TANGO6: variants seen among roughly 807,000 people sequenced by gnomAD.
TANGO6 encodes transport and Golgi organization protein 6 homolog.
Under a neutral mutation model 114.2 loss-of-function variants are expected in TANGO6, and 90 were observed. That is an observed-to-expected ratio of 0.79 (90% CI 0.66 to 0.94). The LOEUF is 0.94. Ranked by LOEUF, TANGO6 falls within the 40% of genes least tolerant of loss-of-function variation. The pLI is 0.00. For synonymous variants in TANGO6, 477 were observed against 509.8 expected (o/e 0.94, Z 0.87); for missense variants, 1,274 against 1,315.3 (o/e 0.97, Z 0.49).
intron 16 of TANGO6, among the ~76,000 whole-genome samples, chr16:69,031,060 A>C (rs937017450): frequency 5.3e-5 from 8 of 152,062 alleles, no homozygotes; most frequent in Admixed American, 2.6e-4. Flanking sequence ...ATCTCAAAAA[A>C]TAAAATTAAA....
intron 11 of TANGO6, among the ~76,000 whole-genome samples, chr16:68,916,845 C>T (rs1963012886): frequency 6.6e-6 from 1 of 152,158 alleles, no homozygotes; most frequent in Admixed American, 6.6e-5. Flanking sequence ...AACATAGCCT[C>T]CTCCATTGTC....
At chr16:68,877,116 C>G (rs944208195) in intron 5 of TANGO6, among the ~76,000 whole-genome samples, 4 of 152,102 alleles carry the variant, frequency 2.6e-5, no homozygotes, top group Non-Finnish European at 5.9e-5. Flanking sequence ...TACCTATTTT[C>G]CCACATTTTT....
intron 17 of TANGO6, among the ~76,000 whole-genome samples, chr16:69,063,218 G>A (rs927603041): frequency 9.9e-6 from 1 of 100,898 alleles, no homozygotes. Flanking sequence ...GCCAGACTTC[G>A]TCTGAAAAAA....
At chr16:68,852,153 A>G (rs1961911911) in intron 1 of TANGO6, among the ~76,000 whole-genome samples, 1 of 152,226 alleles carries the variant, frequency 6.6e-6, no homozygotes, top group African/African-American at 2.4e-5. Flanking sequence ...CAAAGAGAAT[A>G]CAGCAGTGAA....
At chr16:68,915,967 CAT>C (rs1491113162) in intron 11 of TANGO6, among the ~76,000 whole-genome samples, 1 of 152,016 alleles carries the variant, frequency 6.6e-6, no homozygotes, top group African/African-American at 2.4e-5. Context: ...CCTAAGTATG[CAT>C]GTGTGTGTGC....
intron 14 of TANGO6, among the ~76,000 whole-genome samples, chr16:68,970,041 C>T (rs1026934339): frequency 2.0e-5 from 3 of 151,988 alleles, no homozygotes; most frequent in Admixed American, 2.0e-4. Flanking sequence ...GTTTCAGGAT[C>T]GAATCTCATT....
chr16:68,982,359 A>G (rs1963844528), intron 15 of TANGO6, among the ~76,000 whole-genome samples: 1 of 151,882 alleles, frequency 6.6e-6, no homozygotes, highest in Admixed American at 6.6e-5. Flanking sequence ...TTTTTTAGAC[A>G]GAGTCTCACT....
intron 14 of TANGO6, among the ~76,000 whole-genome samples, chr16:68,947,710 G>C (rs2152204211): frequency 6.7e-6 from 1 of 150,120 alleles, no homozygotes; most frequent in Admixed American, 6.7e-5. Context: ...TTCTGCCTCA[G>C]CCTCCCAAGT....
chr16:69,055,938 C>A (rs953273454), intron 17 of TANGO6, among the ~76,000 whole-genome samples: 9 of 151,926 alleles, frequency 5.9e-5, no homozygotes, highest in Non-Finnish European at 8.8e-5. Context: ...ACTTGGGAGG[C>A]TGAGGCAGGA....
chr16:68,998,234 TACCCA>T (rs887496280), intron 15 of TANGO6, among the ~76,000 whole-genome samples: 56 of 152,216 alleles, frequency 3.7e-4, no homozygotes, highest in Admixed American at 3.0e-3. Context: ...ATTTTCACAT[TACCCA>T]TCCCTATTGT....
At chr16:68,913,384 A>G (rs949189233) in intron 11 of TANGO6, among the ~76,000 whole-genome samples, 5 of 150,170 alleles carry the variant, frequency 3.3e-5, no homozygotes, top group African/African-American at 1.2e-4. Flanking sequence ...GCACACTACT[A>G]TACCTCAATA....
chr16:68,949,178 C>T (rs1337131981), intron 14 of TANGO6, among the ~76,000 whole-genome samples: 1 of 152,080 alleles, frequency 6.6e-6, no homozygotes, highest in African/African-American at 2.4e-5. Flanking sequence ...AATAGTGAAA[C>T]TCCGTCTCAA....
intron 15 of TANGO6, among the ~76,000 whole-genome samples, chr16:69,020,444 T>G (rs555127218): frequency 7.2e-5 from 11 of 152,204 alleles, no homozygotes; most frequent in African/African-American, 2.6e-4. Context: ...AAGGCACGAG[T>G]GACAAATGTG....
chr16:68,915,054 T>C (rs1429302942), intron 11 of TANGO6, among the ~76,000 whole-genome samples: 3 of 150,232 alleles, frequency 2.0e-5, no homozygotes, highest in Admixed American at 6.7e-5. Context: ...CCCAGCACTT[T>C]GGGAGGCTAC....
chr16:68,983,876 AC>A (rs1377569411), intron 15 of TANGO6, among the ~76,000 whole-genome samples: 2 of 152,036 alleles, frequency 1.3e-5, no homozygotes, highest in Non-Finnish European at 2.9e-5. Context: ...TAATAAAAAT[AC>A]AAAAAATTAG....
At chr16:68,979,227 T>C (rs913362771) in intron 15 of TANGO6, among the ~76,000 whole-genome samples, 9 of 151,900 alleles carry the variant, frequency 5.9e-5, no homozygotes, top group African/African-American at 2.2e-4. Context: ...GCCTGAAGTA[T>C]ATGAATTTTT....
rs143314994 is a variant in TANGO6 at position 68,983,574 on chromosome 16, G to A, written c.2842+9406G>A. On this transcript the variant is annotated intron_variant, in intron 15 of 17. Coordinates refer to ENST00000261778, the MANE Select transcript of TANGO6 (RefSeq NM_024562.2). ...GACAAATTGCATTGGTAAGAAGCCC[G>A]GCCCATGGAGGGAGAGGCCTGTATG... Among the ~76,000 whole-genome samples, 22 of 152,244 alleles carry A rather than the reference G, an allele frequency of 1.4e-4. No individual in the cohort carries two copies. In the East Asian group the frequency reaches 3.9e-3, roughly 27 times the overall value.
intron 11 of TANGO6, among the ~76,000 whole-genome samples, chr16:68,914,387 C>T (rs992609446): frequency 6.6e-6 from 1 of 152,186 alleles, no homozygotes; most frequent in Non-Finnish European, 1.5e-5. Flanking sequence ...GTCTCAAACT[C>T]CCGACCTCAG....
chr16:69,062,995 A>T (rs1201732729), intron 17 of TANGO6, among the ~76,000 whole-genome samples: 1 of 151,632 alleles, frequency 6.6e-6, no homozygotes, highest in Non-Finnish European at 1.5e-5. Flanking sequence ...TGGGAGGCCG[A>T]AACAGGTGAA....
Sources: gnomAD v4.1 joint callset for allele counts (sites outside exome capture counted in the v4.1 genomes callset) on GRCh38, gnomAD v4.1.1 for gene constraint, MANE v1.5 for transcripts, NCBI Gene and HGNC (gene_info 2026-07-23, HGNC 2026-07-21) for gene names.